Variants in SPOUT1 observed in about 807,000 individuals in gnomAD.
SPOUT1 encodes SPOUT domain containing methyltransferase 1, also known as 28S rRNA (uridine-N(3))-methyltransferase.
In SPOUT1, 40 loss-of-function variants were observed where a neutral mutation model predicts 54.8. That is an observed-to-expected ratio of 0.73 (90% confidence interval 0.57 to 0.95). SPOUT1 has a LOEUF of 0.95. SPOUT1 is among the 40% of genes least tolerant of loss of function. The pLI, the probability that SPOUT1 is intolerant of heterozygous loss-of-function variation, is 0.00. For missense variants in SPOUT1, 437 were observed against 499.5 expected (o/e 0.87, Z 1.19); for synonymous variants, 193 against 200.3 (o/e 0.96, Z 0.31).
chr9:128,820,981 G>A lies in SPOUT1; in HGVS notation c.*1784C>T. On this transcript the variant is annotated 3_prime_UTR_variant, in exon 12 of 12. Coordinates refer to ENST00000361256, the MANE Select transcript of SPOUT1 (RefSeq NM_016390.4). ...ACTCATCTGGTTTCTTGGCAAGCCT[G>A]TCAGCTTCCCTGCCTCGAGTCCCCT... 2 of 781,174 alleles carry A rather than the reference G, an allele frequency of 2.6e-6. No homozygotes were observed. Among genetic ancestry groups the A allele is most frequent in the East Asian group, 5.4e-5 (2 of 37,068 alleles). The allele number at this position is 781,174 out of a possible 1,614,324, so 48.4% of individuals were successfully genotyped here. A position where few individuals can be genotyped will look rare whatever the true frequency, so the allele number is the denominator to read the frequency against.
At chr9:128,824,403 G>A (rs1830197149) in intron 9 of SPOUT1, among the ~76,000 whole-genome samples, 1 of 151,984 alleles carries the variant, frequency 6.6e-6, no homozygotes, top group Non-Finnish European at 1.5e-5. Context: ...AGCTGTTCCT[G>A]GAAAGTCAAG....
rs1218143386 is a variant in SPOUT1 at position 128,827,070 on chromosome 9, A to G, written c.330T>C (p.Asp110=). ...CCTCCTCATCAAACACCACGATCTC[A>G]TCCACACAGAAGATGGCACAGGCTC... ...IARACAIFCV[D]EIVVFDEEGQ... The change falls in exon 4 of 12, where the codon GAT becomes GAC. Residue 110 remains aspartate (D), a synonymous_variant. Transcript: ENST00000361256. 1 of 1,588,066 alleles carries G rather than the reference A, an allele frequency of 6.3e-7. No homozygotes were observed. Among genetic ancestry groups the G allele is most frequent in the Non-Finnish European group, 8.6e-7 (1 of 1,158,028 alleles).
chr9:128,823,019 C>G (rs1404739119), intron 11 of SPOUT1, among the ~76,000 whole-genome samples, 186 bp from the exon 12 acceptor site: 2 of 152,216 alleles, frequency 1.3e-5, no homozygotes, highest in South Asian at 4.1e-4. Context: ...GAGGACCACA[C>G]AGCCTGCTCC....
intron 1 of SPOUT1, 101 bp from the exon 2 acceptor site, chr9:128,829,256 G>GCAAGGAAGC: frequency 1.9e-6 from 2 of 1,040,228 alleles, no homozygotes; most frequent in Admixed American, 3.4e-5. Context: ...ACACGGGGCG[G>GCAAGGAAGC]CAAGGAAGCC....
At chr9:128,828,238 G>A (rs1461410881) in intron 3 of SPOUT1, among the ~76,000 whole-genome samples, 1 of 152,232 alleles carries the variant, frequency 6.6e-6, no homozygotes, top group East Asian at 1.9e-4. Flanking sequence ...GCTCATGCCT[G>A]TAATCCCAGC....
chr9:128,820,787 C>T lies in SPOUT1; in HGVS notation c.*1978G>A, dbSNP rs547914635. On this transcript the variant is annotated 3_prime_UTR_variant, in exon 12 of 12. Transcript: ENST00000361256. ...CTGGAACAACCTGGAGAAATATAGC[C>T]GCAGCTTGACCCGCAGCTACCAAAA... 4.3e-5 allele frequency: 70 copies of T among 1,612,456 alleles called. No individual in the cohort carries two copies. In the Middle Eastern group the frequency reaches 5.0e-4, roughly 11 times the overall value.
rs987221769 is a variant in SPOUT1, at chr9:128,828,968, C to T, written c.83-108G>A. 15 of 1,534,454 alleles carry T rather than the reference C, an allele frequency of 9.8e-6. No homozygotes were observed. The African/African-American group carries it at 2.0e-4, about 21-fold the overall frequency. ...AGCAGCCAGAGGGCAGCAAGGGAGC[C>T]TCCCCAGGGCTCCCGGCCCCTGCCT... On this transcript the variant is annotated intron_variant, in intron 2 of 11. Transcript: ENST00000361256.
Position 128,822,793 on chromosome 9 carries a change from A to T in SPOUT1, c.1103T>A (p.Leu368His). ...LISLAALQPG[L>H]IQAGARHT ...GGTGTGCCGGGCACCCGCCTGGATG[A>T]GGCCAGGCTGCAGGGCGGCCAGGGA... Residue 368 changes from leucine to histidine, a missense_variant, in exon 12 of 12, where the codon CTC becomes CAC. By Grantham distance (99) the Leu-to-His change is moderately conservative. Coordinates refer to ENST00000361256, the MANE Select transcript of SPOUT1 (RefSeq NM_016390.4). 1.9e-6 allele frequency: 3 copies of T among 1,590,086 alleles called. No homozygotes were observed. The highest frequency in any genetic ancestry group is 2.6e-6 in the Non-Finnish European group (3 of 1,167,346).
Position 128,824,821 on chromosome 9 carries a change from G to C in SPOUT1, c.761C>G (p.Thr254Ser). 6.2e-7 allele frequency: 1 copy of C among 1,614,114 alleles called. No homozygotes were observed. The highest frequency in any genetic ancestry group is 8.5e-7 in the Non-Finnish European group (1 of 1,180,004). Residue 254 changes from threonine (T) to serine (S), a missense_variant, in exon 9 of 12, where the codon ACC becomes AGC. Coordinates refer to ENST00000361256, the MANE Select transcript of SPOUT1 (RefSeq NM_016390.4). ...GTAGCCCCAGTAGAGACCAGCTTTG[G>C]TGCGAGGGTCCTGCGATGATACCAC... is the stretch of plus-strand genomic sequence containing the variant. ...GKVVSSQDPR[T>S]KAGLYWGYTV...
In SPOUT1 at chr9:128,824,763, G is replaced by C; in HGVS notation, c.811+8C>G. 1 of 1,605,158 alleles carries C rather than the reference G, an allele frequency of 6.2e-7. No homozygotes were observed. The highest frequency in any genetic ancestry group is 8.5e-7 in the Non-Finnish European group (1 of 1,171,908). ...ATGGATATTCAGAGAAGTAAGGTCT[G>C]TCCTTACTGAGGCAGGAAGCCAGTC... On this transcript the variant is annotated splice_region_variant and intron_variant, in intron 9 of 11. Coordinates refer to ENST00000361256, the MANE Select transcript of SPOUT1 (RefSeq NM_016390.4).
At position 128,820,637 on chromosome 9, in the gene SPOUT1, A is replaced by G. The variant is rs774939812; in HGVS notation, c.*2128T>C. On this transcript the variant is annotated 3_prime_UTR_variant, in exon 12 of 12. Coordinates refer to ENST00000361256, the MANE Select transcript of SPOUT1 (RefSeq NM_016390.4). ...AGTTTCCCCCCGCTTGTCTCACTGG[A>G]TATCTCTGAGCCTGTCCATCCCCTC... 7.6e-6 allele frequency: 7 copies of G among 916,212 alleles called. No individual in the cohort carries two copies. Among genetic ancestry groups the G allele is most frequent in the African/African-American group, 3.3e-5 (2 of 60,108 alleles). The allele number at this position is 916,212 out of a possible 1,614,324, so 56.8% of individuals were successfully genotyped here.
chr9:128,828,974 A>G, intron 2 of SPOUT1, 114 bp from the exon 3 acceptor site: 1 of 1,520,204 alleles, frequency 6.6e-7, no homozygotes, highest in East Asian at 2.3e-5. Flanking sequence ...GAGCCTCCCC[A>G]GGGCTCCCGG....
In SPOUT1 at chr9:128,826,427, C is replaced by T. The variant is rs764811607; in HGVS notation, c.465G>A (p.Leu155=). Residue 155 remains leucine (L), a synonymous_variant, in exon 6 of 12, where the codon CTG becomes CTA. Coordinates refer to ENST00000361256, the MANE Select transcript of SPOUT1 (RefSeq NM_016390.4). This position sits in a 1 kb window ranked among gnomAD's most constrained non-coding sequence, Gnocchi z 5.5. ...GGTGCTTGGGGAAGAACGCCTTCCT[C>T]AGGTACCTAGGAAAGAATGCTGACC... is the stretch of plus-strand genomic sequence containing the variant. The part of the protein sequence containing the change: ...ILQYLECPQY[L]RKAFFPKHQD... 2.9e-5 allele frequency: 46 copies of T among 1,613,976 alleles called. No homozygotes were observed. Among genetic ancestry groups the T allele is most frequent in the Non-Finnish European group, 3.9e-5 (46 of 1,179,882 alleles).
intron 1 of SPOUT1, 37 bp from the exon 2 acceptor site, chr9:128,829,192 G>A: frequency 6.4e-7 from 1 of 1,556,070 alleles, no homozygotes; most frequent in Non-Finnish European, 8.9e-7. Flanking sequence ...TGAGTGTGAG[G>A]CTGATGGTCA....
At chr9:128,827,869 G>C (rs892168513) in intron 3 of SPOUT1, among the ~76,000 whole-genome samples, 16 of 152,272 alleles carry the variant, frequency 1.1e-4, no homozygotes, top group African/African-American at 3.4e-4. Flanking sequence ...TGCAGTGAGC[G>C]GAGATCGAGC....
At chr9:128,828,194 G>C (rs1209298917) in intron 3 of SPOUT1, among the ~76,000 whole-genome samples, 2 of 152,024 alleles carry the variant, frequency 1.3e-5, no homozygotes, top group East Asian at 3.9e-4. Flanking sequence ...AGAGGTCTAA[G>C]TTAAGAGATA....
chr9:128,829,656 G>T, intron 1 of SPOUT1, 89 bp downstream of exon 1: 1 of 1,028,266 alleles, frequency 9.7e-7, no homozygotes, highest in African/African-American at 1.6e-5. Flanking sequence ...AGCAGGAGGC[G>T]CGGCCCGGCC....
At chr9:128,829,020 G>A (rs1320504079) in intron 2 of SPOUT1, 90 bp downstream of exon 2, 1 of 1,513,494 alleles carries the variant, frequency 6.6e-7, no homozygotes, top group Non-Finnish European at 9.2e-7. Context: ...GCAGGACCCA[G>A]AGGGAACAAA....
rs1830115649 is a variant in SPOUT1, at chr9:128,821,411, C to T, written c.*1354G>A. The stretch of plus-strand genomic sequence containing the variant: ...CTTCCCCATGCAGGTCCCCAGTGCA[C>T]CGAGCTCTCATGCCTTCCCCCTGCA... On this transcript the variant is annotated 3_prime_UTR_variant, in exon 12 of 12. Transcript: ENST00000361256. The T allele has an allele frequency of 6.1e-6, 1 of 165,126 alleles. No homozygotes were observed. Among genetic ancestry groups the T allele is most frequent in the South Asian group, 1.3e-4 (1 of 7,440 alleles). The allele number at this position is 165,126 out of a possible 1,614,324, so 10.2% of individuals were successfully genotyped here. A position where few individuals can be genotyped will look rare whatever the true frequency, so the allele number is the denominator to read the frequency against.
Sources: gnomAD v4.1 joint callset for allele counts (sites outside exome capture counted in the v4.1 genomes callset) on GRCh38, gnomAD v4.1.1 for gene constraint, Gnocchi (gnomAD v3.1) non-coding constraint, MANE v1.5 for transcripts, NCBI Gene and HGNC (gene_info 2026-07-23, HGNC 2026-07-21) for gene names.